CNTNAP2: variants seen among roughly 807,000 people sequenced by gnomAD.
The protein encoded by CNTNAP2 is contactin-associated protein-like 2.
A neutral mutation model predicts 155.2 loss-of-function variants in CNTNAP2; 98 were observed. The ratio of observed to expected loss-of-function variants is 0.63; its 90% CI spans 0.54 to 0.75. CNTNAP2 has a LOEUF of 0.75. CNTNAP2 is among the 30% of genes least tolerant of loss of function. The pLI, the probability that CNTNAP2 is intolerant of heterozygous loss-of-function variation, is 0.00. For missense variants in CNTNAP2, 1,727 were observed against 1,688.1 expected (o/e 1.02, Z -0.40); for synonymous variants, 651 against 631.2 (o/e 1.03, Z -0.47).
intron 11 of CNTNAP2, among the ~76,000 whole-genome samples, chr7:147,522,081 C>T (rs1206648412): frequency 6.6e-6 from 1 of 152,172 alleles, no homozygotes; most frequent in African/African-American, 2.4e-5. Flanking sequence ...CACTCTCTCA[C>T]AAGTGTGCTC....
At chr7:148,392,997 C>T (rs1799386958) in intron 22 of CNTNAP2, among the ~76,000 whole-genome samples, 1 of 152,078 alleles carries the variant, frequency 6.6e-6, no homozygotes, top group African/African-American at 2.4e-5. Context: ...TTACCTCCAT[C>T]GTTATGACTT....
intron 9 of CNTNAP2, among the ~76,000 whole-genome samples, chr7:147,375,365 A>T (rs1019066115): frequency 2.6e-5 from 4 of 151,950 alleles, no homozygotes; most frequent in Admixed American, 2.0e-4. Flanking sequence ...GTTACTGCAA[A>T]TTACTGTCTG....
chr7:147,291,345 G>T (rs564485879), intron 8 of CNTNAP2, among the ~76,000 whole-genome samples: 9 of 151,698 alleles, frequency 5.9e-5, no homozygotes, highest in Non-Finnish European at 1.2e-4. Flanking sequence ...AACAGGCCCC[G>T]GTGTGTGATG....
intron 13 of CNTNAP2, among the ~76,000 whole-genome samples, chr7:147,710,978 G>C (rs750727317): frequency 2.0e-5 from 3 of 152,106 alleles, no homozygotes; most frequent in African/African-American, 7.2e-5. Flanking sequence ...ATTGTTACTC[G>C]AAGCTGTTGT....
At chr7:146,720,837 TAGAG>T (rs994482027) in intron 1 of CNTNAP2, among the ~76,000 whole-genome samples, 3 of 148,786 alleles carry the variant, frequency 2.0e-5, no homozygotes, top group Non-Finnish European at 3.0e-5. Context: ...AGCTATTATT[TAGAG>T]AAAGAGCTAG....
rs1018254962 is a variant in CNTNAP2, at chr7:147,377,135, C to T, written c.1499-18474C>T. ...TTTTGATTTTCCTTTATTCCTTCTTCTCCCCCCCCTTTTGGTTGATCAAAT... is the reference window on the plus strand; with the variant it reads ...TTTTGATTTTCCTTTATTCCTTCTTTTCCCCCCCCTTTTGGTTGATCAAAT... On this transcript the variant is annotated intron_variant, in intron 9 of 23. Transcript: ENST00000361727. 4.2e-5 allele frequency among the ~76,000 whole-genome samples: 6 copies of T among 141,982 alleles called. No individual in the cohort carries two copies. The Admixed American group carries it at 4.3e-4, about 10-fold the overall frequency. The allele number at this position is 141,982 out of a possible 152,430, so 93.1% of individuals were successfully genotyped here. A position where few individuals can be genotyped will look rare whatever the true frequency, so the allele number is the denominator to read the frequency against.
chr7:146,908,968 G>A (rs948351058), intron 3 of CNTNAP2, among the ~76,000 whole-genome samples: 3 of 148,390 alleles, frequency 2.0e-5, no homozygotes, highest in African/African-American at 7.4e-5. Context: ...TGATAAAGGG[G>A]ATATCACCAC....
At chr7:147,328,577 A>G (rs905310430) in intron 9 of CNTNAP2, among the ~76,000 whole-genome samples, 1 of 152,252 alleles carries the variant, frequency 6.6e-6, no homozygotes, top group African/African-American at 2.4e-5. Flanking sequence ...ATATTATAAA[A>G]TTAATTCTTA....
intron 1 of CNTNAP2, among the ~76,000 whole-genome samples, chr7:146,676,831 GC>G (rs1218195638): frequency 2.6e-5 from 4 of 152,100 alleles, no homozygotes; most frequent in African/African-American, 9.7e-5. Context: ...GGGGGAAACT[GC>G]CCCCATGATT....
At chr7:147,652,214 A>G (rs1008610750) in intron 13 of CNTNAP2, among the ~76,000 whole-genome samples, 3 of 152,176 alleles carry the variant, frequency 2.0e-5, no homozygotes, top group African/African-American at 7.2e-5. Context: ...ATTTACCAAC[A>G]CCAGTGGCTG....
chr7:148,011,169 G>A (rs1181130386), intron 15 of CNTNAP2, among the ~76,000 whole-genome samples: 1 of 151,982 alleles, frequency 6.6e-6, no homozygotes, highest in African/African-American at 2.4e-5. Context: ...TAATCATATA[G>A]TGTGAATTCT....
intron 11 of CNTNAP2, among the ~76,000 whole-genome samples, chr7:147,520,137 G>C (rs1286616488): frequency 6.6e-6 from 1 of 152,114 alleles, no homozygotes; most frequent in African/African-American, 2.4e-5. Flanking sequence ...TTAGAAGTAT[G>C]AGAAGCCAGA....
intron 8 of CNTNAP2, among the ~76,000 whole-genome samples, chr7:147,174,143 C>T (rs1196414307): frequency 6.6e-6 from 1 of 152,070 alleles, no homozygotes; most frequent in Non-Finnish European, 1.5e-5. Context: ...TTAATAGCAG[C>T]ATTATACTGT....
intron 15 of CNTNAP2, among the ~76,000 whole-genome samples, chr7:148,050,536 A>C (rs1417601024): frequency 1.3e-5 from 2 of 152,206 alleles, no homozygotes; most frequent in Non-Finnish European, 2.9e-5. Context: ...AGAAATTAAA[A>C]GTTTAGAAAG....
chr7:146,794,408 A>G (rs1446418340), intron 2 of CNTNAP2, among the ~76,000 whole-genome samples: 1 of 152,196 alleles, frequency 6.6e-6, no homozygotes, highest in Non-Finnish European at 1.5e-5. Context: ...TAATTACAAG[A>G]GAATGCATTC....
chr7:147,860,545 A>T (rs780663431), intron 13 of CNTNAP2, among the ~76,000 whole-genome samples: 38 of 149,774 alleles, frequency 2.5e-4, no homozygotes, highest in Non-Finnish European at 3.8e-4. Context: ...AGCCGAGATC[A>T]CACCACTGCA....
intron 1 of CNTNAP2, among the ~76,000 whole-genome samples, chr7:146,507,708 C>T (rs912712602): frequency 3.3e-4 from 51 of 152,324 alleles, no homozygotes; most frequent in East Asian, 5.8e-4. Context: ...CACAGCCAAA[C>T]TGCATGCTGC....
chr7:147,885,724 C>T (rs183495064), intron 13 of CNTNAP2, among the ~76,000 whole-genome samples: 6 of 152,236 alleles, frequency 3.9e-5, no homozygotes, highest in South Asian at 4.2e-4. Context: ...CTGATGATGT[C>T]GGCCAACCTT....
At chr7:147,046,283 C>CT (rs1178161477) in intron 4 of CNTNAP2, among the ~76,000 whole-genome samples, 2 of 152,002 alleles carry the variant, frequency 1.3e-5, no homozygotes, top group African/African-American at 4.8e-5. Context: ...ACTGCAACTC[C>CT]TTAAACATAA....
Sources: allele counts gnomAD v4.1 joint callset (sites outside exome capture counted in the v4.1 genomes callset), GRCh38; gene constraint gnomAD v4.1.1; transcripts MANE v1.5; gene names NCBI Gene and HGNC (gene_info 2026-07-23, HGNC 2026-07-21).